NHSL1: variants seen among roughly 807,000 people sequenced by gnomAD.
NHSL1 encodes NHS like 1.
In NHSL1, 48 loss-of-function variants were observed where a neutral mutation model predicts 95.0. That is an observed-to-expected ratio of 0.51 (90% CI 0.40 to 0.64). The LOEUF (loss-of-function observed/expected upper bound fraction) is 0.64, where lower values mean the gene tolerates loss of function less well. NHSL1 is among the 30% of genes least tolerant of loss of function. The probability of loss-of-function intolerance (pLI) is 0.00; values close to 1 mark genes in which losing one functional copy is unlikely to be tolerated. For missense variants in NHSL1, 1,971 were observed against 2,077.7 expected (o/e 0.95, Z 1.00); for synonymous variants, 783 against 833.9 (o/e 0.94, Z 1.05).
At chr6:138,590,235 T>TTG (rs1167484098) in intron 1 of NHSL1, among the ~76,000 whole-genome samples, 1 of 152,164 alleles carries the variant, frequency 6.6e-6, no homozygotes, top group East Asian at 1.9e-4. Flanking sequence ...TGACCTCAGG[T>TTG]GATCCGTTGG....
chr6:138,452,164 T>C (rs763493197), intron 3 of NHSL1, among the ~76,000 whole-genome samples: 21 of 152,280 alleles, frequency 1.4e-4, no homozygotes, highest in Non-Finnish European at 2.2e-4. Context: ...GAGTCACAAA[T>C]GAAACATAAG....
At chr6:138,680,260 T>C (rs960427809) in intron 1 of NHSL1, among the ~76,000 whole-genome samples, 2 of 152,132 alleles carry the variant, frequency 1.3e-5, no homozygotes, top group Non-Finnish European at 2.9e-5. Flanking sequence ...TAGAGAAAAA[T>C]AACTCCACTG....
rs147276306 is a variant in NHSL1, at chr6:138,452,982, T to G, written c.340-5789A>C. ...GTAACTTTAATTGTTCATTCTTTTT[T>G]TCTTTTGAGACGGAGTCTCACTCTG... On this transcript the variant is annotated intron_variant, in intron 3 of 7. Transcript: ENST00000343505. 9.9e-4 allele frequency among the ~76,000 whole-genome samples: 151 copies of G among 152,346 alleles called. 1 individual carries two copies. The highest frequency in any genetic ancestry group is 3.5e-3 in the African/African-American group (145 of 41,582).
chr6:138,612,816 C>G (rs186356797), intron 1 of NHSL1, among the ~76,000 whole-genome samples: 132 of 152,252 alleles, frequency 8.7e-4, no homozygotes, highest in African/African-American at 3.1e-3. Context: ...GTTTAAATAT[C>G]ACTAAATGAT....
chr6:138,436,053 C>T (rs962324025), intron 5 of NHSL1, among the ~76,000 whole-genome samples: 1 of 152,150 alleles, frequency 6.6e-6, no homozygotes, highest in Non-Finnish European at 1.5e-5. Flanking sequence ...TCTTCTTGGG[C>T]TTCTCTATTC....
At chr6:138,680,050 A>C (rs1232283662) in intron 1 of NHSL1, among the ~76,000 whole-genome samples, 1 of 152,164 alleles carries the variant, frequency 6.6e-6, no homozygotes, top group African/African-American at 2.4e-5. Context: ...AATATACCTC[A>C]ATTTTATCAT....
At chr6:138,553,742 T>C (rs1163606049) in intron 1 of NHSL1, among the ~76,000 whole-genome samples, 1 of 152,218 alleles carries the variant, frequency 6.6e-6, no homozygotes, top group Non-Finnish European at 1.5e-5. Context: ...AAATGAAAAG[T>C]CAGTGATCAT....
intron 1 of NHSL1, among the ~76,000 whole-genome samples, chr6:138,626,664 C>A (rs1017738964): frequency 1.4e-5 from 1 of 71,266 alleles, no homozygotes; most frequent in Non-Finnish European, 2.7e-5. Flanking sequence ...GAGGCCGAGG[C>A]GGGCGGATCA....
intron 1 of NHSL1, among the ~76,000 whole-genome samples, chr6:138,627,426 T>C (rs1391343511): frequency 6.6e-6 from 1 of 152,230 alleles, no homozygotes; most frequent in Non-Finnish European, 1.5e-5. Context: ...ATTGTGGTAG[T>C]GGCTCAACTA....
chr6:138,480,533 G>A (rs1359931884), intron 2 of NHSL1, among the ~76,000 whole-genome samples: 3 of 152,230 alleles, frequency 2.0e-5, no homozygotes, highest in Admixed American at 6.5e-5. Context: ...TAGTGTTGAC[G>A]TGTATGAGTA....
In NHSL1 at chr6:138,571,837, C is replaced by A; in HGVS notation, c.75G>T (p.Trp25Cys). 1.9e-6 allele frequency: 3 copies of A among 1,551,958 alleles called. No homozygotes were observed. The South Asian group carries it at 3.6e-5, about 18-fold the overall frequency. The change falls in exon 1 of 7, where the codon TGG (tryptophan) becomes TGT (cysteine). Residue 25 changes from tryptophan (W) to cysteine (C), a missense_variant. Trp to Cys is a radical substitution (Grantham distance 215). Transcript: ENST00000427025. ...GCCTGGACAAGGAGGAGAAATTTAT[C>A]CAACTTACAGCACGTGAGAGAGAAC...
upstream of NHSL1, among the ~76,000 whole-genome samples, chr6:138,550,265 A>T (rs934072680): frequency 3.9e-5 from 6 of 152,186 alleles, no homozygotes; most frequent in Admixed American, 3.9e-4. Context: ...AAATAATTTT[A>T]AAAAGCCCTT....
intron 1 of NHSL1, among the ~76,000 whole-genome samples, chr6:138,538,127 C>T (rs560564089): frequency 5.7e-4 from 87 of 152,224 alleles, no homozygotes; most frequent in African/African-American, 1.9e-3. Context: ...ATCTCTTTTG[C>T]ATAAAATACT....
intron 2 of NHSL1, among the ~76,000 whole-genome samples, chr6:138,493,403 G>T (rs1780182586): frequency 6.6e-6 from 1 of 152,172 alleles, no homozygotes; most frequent in African/African-American, 2.4e-5. Flanking sequence ...TAGATGTACT[G>T]CATATTCAAA....
chr6:138,475,830 T>C (rs2128251446), intron 2 of NHSL1, among the ~76,000 whole-genome samples: 1 of 152,056 alleles, frequency 6.6e-6, no homozygotes, highest in East Asian at 1.9e-4. Context: ...AGGCATGGTG[T>C]CACACGCCTG....
chr6:138,502,936 G>A (rs1016508999), upstream of NHSL1, among the ~76,000 whole-genome samples: 4 of 152,126 alleles, frequency 2.6e-5, no homozygotes, highest in Non-Finnish European at 4.4e-5. Flanking sequence ...TTAATAAAGG[G>A]CCATGCTTTC....
rs547230693 is a variant in NHSL1, at chr6:138,624,402, T to G, written c.96+68074A>C. Among the ~76,000 whole-genome samples, 10 of 152,282 alleles carry G rather than the reference T, an allele frequency of 6.6e-5. No individual in the cohort carries two copies. The South Asian group carries it at 2.1e-3, about 32-fold the overall frequency. On this transcript the variant is annotated intron_variant, in intron 1 of 3. Coordinates refer to the NHSL1 transcript ENST00000491526. Reference sequence around the variant, plus strand: ...AAGGGAAGGAGGGCAAATGTAAGCGTTCATTGTATGACACAGATGACTCTG... The same window carrying G: ...AAGGGAAGGAGGGCAAATGTAAGCGGTCATTGTATGACACAGATGACTCTG...
At chr6:138,604,694 T>C (rs148499611) in intron 1 of NHSL1, among the ~76,000 whole-genome samples, 1,788 of 152,126 alleles carry the variant, frequency 0.012, 27 homozygotes, top group African/African-American at 0.041. Flanking sequence ...GGCGTGATCT[T>C]GGCTCACTGC....
At chr6:138,646,565 T>C (rs954521209) in intron 1 of NHSL1, among the ~76,000 whole-genome samples, 2 of 152,074 alleles carry the variant, frequency 1.3e-5, no homozygotes, top group African/African-American at 2.4e-5. Context: ...TGACTATCCA[T>C]GGAGGAAAAA....
Sources: gnomAD v4.1 joint callset for allele counts (sites outside exome capture counted in the v4.1 genomes callset) on GRCh38, gnomAD v4.1.1 for gene constraint, MANE v1.5 for transcripts, NCBI Gene and HGNC (gene_info 2026-07-23, HGNC 2026-07-21) for gene names.